BICC1: variants seen among roughly 807,000 people sequenced by gnomAD.
BICC1 encodes BicC family RNA binding protein 1, also known as protein bicaudal C homolog 1.
Under a neutral mutation model 111.0 loss-of-function variants are expected in BICC1, and 43 were observed. The observed-to-expected ratio is 0.39, with a 90% CI of 0.30 to 0.50. The LOEUF (loss-of-function observed/expected upper bound fraction) is 0.50, where lower values mean the gene tolerates loss of function less well. Among genes scored for constraint, BICC1 ranks in the 20% least tolerant of loss-of-function variants. The pLI is 0.88. For synonymous variants in BICC1, 467 were observed against 434.4 expected, an observed-to-expected ratio of 1.07 and a Z score of -0.93; for missense variants, 1,091 against 1,203.2, an observed-to-expected ratio of 0.91 and a Z score of 1.38.
At position 58,829,004 on chromosome 10, in the gene BICC1, C is replaced by CA; in HGVS notation, c.*116dup. ...CACTCTGGGTGTCTGGTATCAGGAC[C>CA]AAAGCATTTTATTCGCACCTGTACT... is the stretch of plus-strand genomic sequence containing the variant. On this transcript the variant is annotated 3_prime_UTR_variant, in exon 21 of 21. Transcript: ENST00000373886. 1 of 1,315,614 alleles carries CA rather than the reference C, an allele frequency of 7.6e-7. No individual in the cohort carries two copies. The highest frequency in any genetic ancestry group is 1.4e-5 in the South Asian group (1 of 70,246). The allele number at this position is 1,315,614 out of a possible 1,614,324, so 81.5% of individuals were successfully genotyped here.
intron 3 of BICC1, among the ~76,000 whole-genome samples, chr10:58,761,848 A>T (rs1842325908): frequency 6.6e-6 from 1 of 152,150 alleles, no homozygotes. Context: ...GGAGCTGAGA[A>T]GTTCCTATCC....
intron 3 of BICC1, among the ~76,000 whole-genome samples, chr10:58,771,879 AT>A (rs1057428779): frequency 6.6e-6 from 1 of 152,180 alleles, no homozygotes; most frequent in African/African-American, 2.4e-5. Context: ...TAAGGAAATG[AT>A]TTTTTAACAG....
intron 1 of BICC1, among the ~76,000 whole-genome samples, chr10:58,582,936 C>T (rs1300370966): frequency 6.6e-6 from 1 of 152,164 alleles, no homozygotes; most frequent in Non-Finnish European, 1.5e-5. Context: ...AACCTTTATT[C>T]TCCCTCAACA....
At chr10:58,538,597 A>G (rs7098587) in intron 1 of BICC1, among the ~76,000 whole-genome samples, 4,245 of 152,086 alleles carry the variant, frequency 0.028, 189 homozygotes, top group African/African-American at 0.097. Context: ...GCAAAAGCAA[A>G]AATAAATAAA....
At chr10:58,820,308 A>T in intron 19 of BICC1, 61 bp from the exon 20 acceptor site, 1 of 1,135,036 alleles carries the variant, frequency 8.8e-7, no homozygotes, top group Non-Finnish European at 1.3e-6. Flanking sequence ...AGTTGATCCT[A>T]CAGTGGGAAA....
chr10:58,788,664 T>C (rs1311442106), intron 6 of BICC1, among the ~76,000 whole-genome samples: 3 of 152,202 alleles, frequency 2.0e-5, no homozygotes, highest in African/African-American at 7.2e-5. Context: ...TTCTCAGAGA[T>C]GTTCTGGATT....
intron 3 of BICC1, among the ~76,000 whole-genome samples, chr10:58,703,664 G>A (rs1840306231): frequency 6.6e-6 from 1 of 152,162 alleles, no homozygotes; most frequent in South Asian, 2.1e-4. Flanking sequence ...TCATTATGCA[G>A]AAGAAGAAAC....
intron 17 of BICC1, among the ~76,000 whole-genome samples, chr10:58,810,687 A>G (rs1451417591): frequency 6.6e-6 from 1 of 152,170 alleles, no homozygotes; most frequent in Non-Finnish European, 1.5e-5. Context: ...TAGATTAGGA[A>G]GAGGGGAAGG....
chr10:58,554,523 T>G (rs1362465549), intron 1 of BICC1, among the ~76,000 whole-genome samples: 2 of 152,176 alleles, frequency 1.3e-5, no homozygotes, highest in African/African-American at 4.8e-5. Context: ...TGGTTCAGTT[T>G]CTGAAGTTCC....
intron 1 of BICC1, among the ~76,000 whole-genome samples, chr10:58,593,165 C>G (rs1451256705): frequency 6.6e-6 from 1 of 152,124 alleles, no homozygotes; most frequent in Non-Finnish European, 1.5e-5. Context: ...TGCAGCTCAG[C>G]AAGGCTGCTG....
intron 3 of BICC1, among the ~76,000 whole-genome samples, chr10:58,717,724 C>CG (rs1840792678): frequency 6.6e-6 from 1 of 152,158 alleles, no homozygotes; most frequent in African/African-American, 2.4e-5. Context: ...TACTTTTACA[C>CG]ATTTTTTATG....
intron 2 of BICC1, among the ~76,000 whole-genome samples, chr10:58,629,836 C>T (rs996958228): frequency 6.6e-6 from 1 of 152,088 alleles, no homozygotes; most frequent in Non-Finnish European, 1.5e-5. Context: ...AAGTATGTTG[C>T]GTTAAAATTT....
At chr10:58,732,801 C>G (rs1841357581) in intron 3 of BICC1, among the ~76,000 whole-genome samples, 1 of 151,916 alleles carries the variant, frequency 6.6e-6, no homozygotes, top group African/African-American at 2.4e-5. Flanking sequence ...CACAAAATTG[C>G]TGTCTTATGT....
chr10:58,579,730 A>C (rs1340812736), intron 1 of BICC1, among the ~76,000 whole-genome samples: 2 of 152,310 alleles, frequency 1.3e-5, no homozygotes, highest in East Asian at 3.9e-4. Flanking sequence ...TCCCCTACTC[A>C]GTTGGCTGAG....
chr10:58,782,305 A>C (rs1018293375), intron 3 of BICC1, among the ~76,000 whole-genome samples: 1 of 152,200 alleles, frequency 6.6e-6, no homozygotes, highest in East Asian at 1.9e-4. Flanking sequence ...GTAGATTATC[A>C]TACCACTCAA....
At chr10:58,577,396 C>T (rs768309733) in intron 1 of BICC1, among the ~76,000 whole-genome samples, 3 of 152,058 alleles carry the variant, frequency 2.0e-5, no homozygotes, top group Non-Finnish European at 4.4e-5. Flanking sequence ...GATAGGGAGT[C>T]GAGACTGAGG....
At chr10:58,593,881 A>C (rs992746694) in intron 1 of BICC1, among the ~76,000 whole-genome samples, 8 of 151,968 alleles carry the variant, frequency 5.3e-5, no homozygotes, top group Non-Finnish European at 8.8e-5. Context: ...GAGTTTGACA[A>C]ATTGACAGAC....
At chr10:58,605,892 T>G (rs938198144) in intron 1 of BICC1, among the ~76,000 whole-genome samples, 2 of 152,168 alleles carry the variant, frequency 1.3e-5, no homozygotes, top group Admixed American at 6.5e-5. Context: ...TTTCTTTTCC[T>G]TTTTTTGTCA....
At chr10:58,699,409 A>G (rs1390852356) in intron 2 of BICC1, among the ~76,000 whole-genome samples, 1 of 152,184 alleles carries the variant, frequency 6.6e-6, no homozygotes, top group Non-Finnish European at 1.5e-5. Flanking sequence ...TCTCTGGCAT[A>G]TTATTTTCTG....
Sources: allele counts gnomAD v4.1 joint callset (sites outside exome capture counted in the v4.1 genomes callset), GRCh38; gene constraint gnomAD v4.1.1; transcripts MANE v1.5; gene names NCBI Gene and HGNC (gene_info 2026-07-23, HGNC 2026-07-21).